SYNM: variants seen among roughly 807,000 people sequenced by gnomAD.
SYNM encodes synemin.
Under a neutral mutation model 104.0 loss-of-function variants are expected in SYNM, and 95 were observed. The ratio of observed to expected loss-of-function variants is 0.91; its 90% confidence interval spans 0.77 to 1.08. The LOEUF (loss-of-function observed/expected upper bound fraction) is 1.08. Among genes scored for constraint, SYNM ranks in the 50% least tolerant of loss-of-function variants. The pLI is 0.00. For synonymous variants in SYNM, 918 were observed against 869.0 expected, an observed-to-expected ratio of 1.06 and a Z score of -0.99; for missense variants, 2,150 against 2,052.2, an observed-to-expected ratio of 1.05 and a Z score of -0.92.
rs1555485964 is a variant in SYNM, at chr15:99,131,729, T to G, written c.3369T>G (p.Ala1123=). The change falls in exon 4 of 4, where the codon GCT becomes GCG. Residue 1123 remains alanine, a synonymous_variant. Coordinates refer to ENST00000336292, the MANE Select transcript of SYNM (RefSeq NM_145728.3). The surrounding 1 kb of genome is among the most constrained non-coding windows in gnomAD (Gnocchi z 4.3). Reference sequence around the variant, plus strand: ...AGGTGCTGGAGGATGTGAGCCAGGCTGCAAGGCACATAAAACTCGGCCCCT... The same window carrying G: ...AGGTGCTGGAGGATGTGAGCCAGGCGGCAAGGCACATAAAACTCGGCCCCT... ...QSQVLEDVSQ[A]ARHIKLGPSE... 1.9e-6 allele frequency: 3 copies of G among 1,613,844 alleles called. No homozygotes were observed. In the Admixed American group the frequency reaches 5.0e-5, roughly 27 times the overall value.
Position 99,105,879 on chromosome 15 carries a change from C to T in SYNM, c.680C>T (p.Thr227Met), listed in dbSNP as rs782786777. 6.5e-7 allele frequency: 1 copy of T among 1,538,746 alleles called. No homozygotes were observed. Among genetic ancestry groups the T allele is most frequent in the Non-Finnish European group, 8.7e-7 (1 of 1,145,708 alleles). Residue 227 changes from threonine to methionine, a missense_variant, in exon 1 of 4, where the codon ACG becomes ATG. Thr to Met is a moderately conservative substitution (Grantham distance 81). Transcript: ENST00000336292. ...AGCAGACTCCAGGCGGAGGAAGAGA[C>T]GCGGCTGTGCGCGCAGGAGGCAGAG... is the stretch of plus-strand genomic sequence containing the variant. ...QESRLQAEEE[T>M]RLCAQEAEAL...
rs1032488724 is a variant in SYNM at position 99,116,510 on chromosome 15, T to A, written c.935+2795T>A. Among the ~76,000 whole-genome samples, 2 of 130,764 alleles carry A rather than the reference T, an allele frequency of 1.5e-5. 1 individual carries two copies. 85.8% of individuals were successfully genotyped at this position (130,764 alleles called of 152,430 possible). ...TGGATAATTTGCAAAGAAAAGAGGT[T>A]TATTTTGGCCCACAGTTGTGCAGGC... On this transcript the variant is annotated intron_variant, in intron 2 of 3. Coordinates refer to ENST00000336292, the MANE Select transcript of SYNM (RefSeq NM_145728.3).
Position 99,132,691 on chromosome 15 carries a change from G to A in SYNM, c.4331G>A (p.Ser1444Asn). The A allele has an allele frequency of 6.2e-7, 1 of 1,614,024 alleles. No homozygotes were observed. The highest frequency in any genetic ancestry group is 1.1e-5 in the South Asian group (1 of 91,080). The change falls in exon 4 of 4, where the codon AGC (serine) becomes AAC (asparagine). Residue 1444 changes from serine to asparagine, a missense_variant. Coordinates refer to ENST00000336292, the MANE Select transcript of SYNM (RefSeq NM_145728.3). ...CCTGAGCTAGGCAAGTTAGCAGACA[G>A]CAGCAGAACGCTAAGGCACATTGCA... ...DSPELGKLAD[S>N]SRTLRHIAPG...
intron 2 of SYNM, 103 bp downstream of exon 2, chr15:99,113,818 G>C (rs2067322125): frequency 3.4e-6 from 5 of 1,491,306 alleles, no homozygotes; most frequent in Non-Finnish European, 4.5e-6. Flanking sequence ...AGTCACTGTG[G>C]CTTTGTGACA....
chr15:99,109,099 C>T (rs1179009015), intron 1 of SYNM, among the ~76,000 whole-genome samples: 2 of 152,216 alleles, frequency 1.3e-5, no homozygotes, highest in Non-Finnish European at 2.9e-5. Flanking sequence ...GCTTCTGTGG[C>T]TCAAGGGGGA....
In SYNM at chr15:99,134,877, T is replaced by C. The variant is rs1429580200; in HGVS notation, c.*1819T>C. On this transcript the variant is annotated 3_prime_UTR_variant, in exon 4 of 4. Transcript: ENST00000336292. ...CCAAATGAACTAGTGATTGTCAGACTGGTATGGAGGTGACTGCTTTGTAAG... is the reference window on the plus strand; with the variant it reads ...CCAAATGAACTAGTGATTGTCAGACCGGTATGGAGGTGACTGCTTTGTAAG... 2 of 152,274 alleles carry C rather than the reference T, an allele frequency of 1.3e-5. No individual in the cohort carries two copies. Among genetic ancestry groups the C allele is most frequent in the Admixed American group, 1.3e-4 (2 of 15,288 alleles). 9.4% of individuals were successfully genotyped at this position (152,274 alleles called of 1,614,324 possible). A position where few individuals can be genotyped will look rare whatever the true frequency, so the allele number is the denominator to read the frequency against.
intron 2 of SYNM, among the ~76,000 whole-genome samples, chr15:99,120,967 T>C (rs1354667374): frequency 1.3e-5 from 2 of 152,098 alleles, no homozygotes; most frequent in Non-Finnish European, 2.9e-5. Flanking sequence ...CAGGGAAAGC[T>C]ATCCATGGGT....
rs1555485422 is a variant in SYNM at position 99,129,600 on chromosome 15, T to G, written c.1240T>G (p.Ser414Ala). The change falls in exon 4 of 4, where the codon TCA becomes GCA. Residue 414 changes from serine (S) to alanine (A), a missense_variant. Physicochemically the swap from Ser to Ala is moderately conservative, Grantham distance 99. Coordinates refer to ENST00000336292, the MANE Select transcript of SYNM (RefSeq NM_145728.3). ...SSSATTQQEN[S>A]YGKAVSSQTN... is the part of the protein sequence containing the mutation. ...CTCGGCCACTACCCAGCAGGAAAAC[T>G]CATACGGAAAAGCCGTCAGCAGTCA... The G allele has an allele frequency of 6.2e-7, 1 of 1,613,898 alleles. No individual in the cohort carries two copies. Among genetic ancestry groups the G allele is most frequent in the Admixed American group, 1.7e-5 (1 of 60,008 alleles).
At position 99,105,682 on chromosome 15, in the gene SYNM, C is replaced by G. The variant is rs782758279; in HGVS notation, c.483C>G (p.Ser161Arg). Reference protein sequence around the residue: ...DVRELRARAASLTMHFRARAT... With the variant: ...DVRELRARAARLTMHFRARAT... ...GGGAGCTGCGCGCGCGCGCCGCCAG[C>G]CTTACCATGCATTTCCGCGCCCGCG... The change falls in exon 1 of 4, where the codon AGC becomes AGG. Residue 161 changes from serine (S) to arginine (R), a missense_variant. By Grantham distance (110) the Ser-to-Arg change is moderately radical. Transcript: ENST00000336292. The G allele has an allele frequency of 6.8e-6, 10 of 1,474,232 alleles. No individual in the cohort carries two copies. In the East Asian group the frequency reaches 8.7e-5, roughly 13 times the overall value. 91.3% of individuals were successfully genotyped at this position (1,474,232 alleles called of 1,614,324 possible). A position where few individuals can be genotyped will look rare whatever the true frequency, so the allele number is the denominator to read the frequency against.
At position 99,130,650 on chromosome 15, in the gene SYNM, T is replaced by C. The variant is rs782017207; in HGVS notation, c.2290T>C (p.Phe764Leu). 9 of 1,612,686 alleles carry C rather than the reference T, an allele frequency of 5.6e-6. No individual in the cohort carries two copies. In the Admixed American group the frequency reaches 1.5e-4, roughly 27 times the overall value. Reference protein sequence around the residue: ...SYVSGEKPEEFSVPFKVEEVE... With the variant: ...SYVSGEKPEELSVPFKVEEVE... ...TGTCAGCGGGGAGAAGCCGGAGGAG[T>C]TTTCCGTCCCATTCAAAGTGGAGGA... The change falls in exon 4 of 4, where the codon TTT becomes CTT. Residue 764 changes from phenylalanine to leucine, a missense_variant. Transcript: ENST00000336292.
At chr15:99,135,998 A>G (rs987811146), downstream of SYNM, among the ~76,000 whole-genome samples, 1 of 152,216 alleles carries the variant, frequency 6.6e-6, no homozygotes, top group Non-Finnish European at 1.5e-5. Context: ...TGGTTACCTT[A>G]TAAGTGCAAA....
chr15:99,111,987 T>C (rs138497490), intron 1 of SYNM, among the ~76,000 whole-genome samples: 19 of 152,360 alleles, frequency 1.2e-4, no homozygotes, highest in African/African-American at 4.1e-4. Flanking sequence ...AGGTGGAGGC[T>C]GCAGTGAGCC....
chr15:99,112,035 C>T (rs1260495925), intron 1 of SYNM, among the ~76,000 whole-genome samples: 3 of 152,198 alleles, frequency 2.0e-5, no homozygotes, highest in South Asian at 2.1e-4. Flanking sequence ...GGTGACAGAG[C>T]GAGACTGTCT....
At position 99,133,163 on chromosome 15, in the gene SYNM, T is replaced by G. The variant is rs1012406513; in HGVS notation, c.*105T>G. ...CGAGGGAGTCTATGAAAATCTCCCC[T>G]TTTTTACTTTTTTAAAGAGTACTCC... is the stretch of plus-strand genomic sequence containing the variant. On this transcript the variant is annotated 3_prime_UTR_variant, in exon 4 of 4. Coordinates refer to ENST00000336292, the MANE Select transcript of SYNM (RefSeq NM_145728.3). 1.1e-5 allele frequency: 16 copies of G among 1,507,534 alleles called. No individual in the cohort carries two copies. Among genetic ancestry groups the G allele is most frequent in the African/African-American group, 5.6e-5 (4 of 71,406 alleles). 93.4% of individuals were successfully genotyped at this position (1,507,534 alleles called of 1,614,324 possible). A position where few individuals can be genotyped will look rare whatever the true frequency, so the allele number is the denominator to read the frequency against.
In SYNM at chr15:99,129,669, A is replaced by T. The variant is rs782327966; in HGVS notation, c.1309A>T (p.Asn437Tyr). Residue 437 changes from asparagine to tyrosine, a missense_variant, in exon 4 of 4, where the codon AAT (asparagine) becomes TAT (tyrosine). Physicochemically the swap from Asn to Tyr is moderately radical, Grantham distance 143. Transcript: ENST00000336292. Reference protein sequence around the residue: ...TFSPTYGLLRNTEAQVKTFPD... With the variant: ...TFSPTYGLLRYTEAQVKTFPD... The stretch of plus-strand genomic sequence containing the variant: ...CTCTCCAACCTATGGCCTTTTAAGA[A>T]ATACTGAGGCTCAAGTGAAAACATT... The T allele has an allele frequency of 6.2e-7, 1 of 1,613,938 alleles. No homozygotes were observed. The highest frequency in any genetic ancestry group is 2.2e-5 in the East Asian group (1 of 44,884).
Position 99,132,295 on chromosome 15 carries a change from G to C in SYNM, c.3935G>C (p.Ser1312Thr). The C allele has an allele frequency of 6.2e-7, 1 of 1,610,432 alleles. No homozygotes were observed. Among genetic ancestry groups the C allele is most frequent in the Non-Finnish European group, 8.5e-7 (1 of 1,177,200 alleles). The change falls in exon 4 of 4, where the codon AGC (serine) becomes ACC (threonine). Residue 1312 changes from serine to threonine, a missense_variant. By Grantham distance (58) the Ser-to-Thr change is moderately conservative. Transcript: ENST00000336292. ...AGCAGCACATCCATCAGGCACATCA[G>C]CATTGGGCCTCAGAGGCATCAGACC... ...PGSSTSIRHISIGPQRHQTTQ... is the reference protein window; with the variant it reads ...PGSSTSIRHITIGPQRHQTTQ...
rs782347134 is a variant in SYNM at position 99,132,977 on chromosome 15, G to A, written c.4617G>A (p.Arg1539=). ...KVQLQRMVDQ[R]SVISDEKKVA... ...AGCTCCAGAGAATGGTAGACCAAAG[G>A]TCGGTGATTTCAGATGAAAAGAAAG... Residue 1539 remains arginine (R), a synonymous_variant, in exon 4 of 4, where the codon AGG becomes AGA. Coordinates refer to ENST00000336292, the MANE Select transcript of SYNM (RefSeq NM_145728.3). 6 of 1,613,746 alleles carry A rather than the reference G, an allele frequency of 3.7e-6. No individual in the cohort carries two copies. The highest frequency in any genetic ancestry group is 2.7e-5 in the African/African-American group (2 of 74,868).
intron 2 of SYNM, among the ~76,000 whole-genome samples, chr15:99,116,035 G>T (rs1393346042): frequency 6.6e-6 from 1 of 152,268 alleles, no homozygotes; most frequent in African/African-American, 2.4e-5. Flanking sequence ...GGAGTCCATG[G>T]AGGAGCCACG....
At chr15:99,116,325 C>T (rs782119606) in intron 2 of SYNM, among the ~76,000 whole-genome samples, 20 of 152,176 alleles carry the variant, frequency 1.3e-4, no homozygotes, top group Non-Finnish European at 2.6e-4. Flanking sequence ...TGAAAACACT[C>T]GGGCTTTATT....
Sources: gnomAD v4.1 joint callset for allele counts (sites outside exome capture counted in the v4.1 genomes callset) on GRCh38, gnomAD v4.1.1 for gene constraint, Gnocchi (gnomAD v3.1) non-coding constraint, MANE v1.5 for transcripts, NCBI Gene and HGNC (gene_info 2026-07-23, HGNC 2026-07-21) for gene names.